The following RBFOX1 variants were observed in gnomAD, a reference collection of about 807,000 sequenced individuals.
The protein encoded by RBFOX1 is RNA binding protein fox-1 homolog 1.
In RBFOX1, 8 loss-of-function variants were observed where a neutral mutation model predicts 57.7. That is an observed-to-expected ratio of 0.14 (90% confidence interval 0.08 to 0.25). RBFOX1 has a LOEUF of 0.25. RBFOX1 is among the 10% of genes least tolerant of loss of function. RBFOX1 has a pLI of 1.00. For missense variants in RBFOX1, 611 were observed against 548.5 expected, an observed-to-expected ratio of 1.11 and a Z score of -1.14; for synonymous variants, 326 against 222.4, an observed-to-expected ratio of 1.47 and a Z score of -4.15.
intron 4 of RBFOX1, among the ~76,000 whole-genome samples, chr16:7,104,081 T>C (rs2063156317): frequency 6.6e-6 from 1 of 152,154 alleles, no homozygotes; most frequent in Admixed American, 6.6e-5. Flanking sequence ...AATCCTGCAA[T>C]CCCACAGATG....
At chr16:6,931,279 ATCTG>A (rs372259389) in intron 3 of RBFOX1, among the ~76,000 whole-genome samples, 3,771 of 140,942 alleles carry the variant, frequency 0.027, 76 homozygotes, top group Admixed American at 0.038. Context: ...AAATCTATCT[ATCTG>A]TCTGTCTGTC....
intron 1 of RBFOX1, among the ~76,000 whole-genome samples, chr16:6,102,883 G>A (rs1323204871): frequency 6.6e-6 from 1 of 152,064 alleles, no homozygotes; most frequent in African/African-American, 2.4e-5. Flanking sequence ...AGTAACTTGG[G>A]GTCATTTGGG....
At chr16:6,934,738 G>A (rs2077090047) in intron 3 of RBFOX1, among the ~76,000 whole-genome samples, 1 of 152,036 alleles carries the variant, frequency 6.6e-6, no homozygotes, top group African/African-American at 2.4e-5. Flanking sequence ...GAGGCCCTTT[G>A]CTTAGTTTGG....
intron 1 of RBFOX1, among the ~76,000 whole-genome samples, chr16:6,054,160 T>C (rs766921615): frequency 1.4e-4 from 22 of 152,320 alleles, no homozygotes; most frequent in Non-Finnish European, 2.6e-4. Context: ...GCTAAAGTTA[T>C]AGTATCTTTC....
intron 4 of RBFOX1, among the ~76,000 whole-genome samples, chr16:5,888,637 A>G (rs922838156): frequency 1.3e-5 from 2 of 152,066 alleles, no homozygotes; most frequent in Admixed American, 6.5e-5. Context: ...CTCTACTAAA[A>G]ATACAAAATC....
intron 5 of RBFOX1, among the ~76,000 whole-genome samples, chr16:7,531,985 C>G (rs2080210443): frequency 6.6e-6 from 1 of 152,102 alleles, no homozygotes. Context: ...AAGAGGAAGC[C>G]TGGATTTCCC....
At chr16:6,250,247 T>C (rs191731208) in intron 1 of RBFOX1, among the ~76,000 whole-genome samples, 4 of 152,318 alleles carry the variant, frequency 2.6e-5, no homozygotes, top group African/African-American at 9.6e-5. Flanking sequence ...TCTAGTCCTG[T>C]GTCAAACTCA....
At chr16:6,217,648 C>G (rs1232331492) in intron 1 of RBFOX1, among the ~76,000 whole-genome samples, 2 of 152,186 alleles carry the variant, frequency 1.3e-5, no homozygotes, top group African/African-American at 2.4e-5. Flanking sequence ...ACCTGCTTGT[C>G]TCTTGGGACC....
rs1172815017 is a variant in RBFOX1, at chr16:7,420,902, C to CAT, written c.28-97237_28-97236dup. 1.3e-4 allele frequency among the ~76,000 whole-genome samples: 18 copies of CAT among 142,130 alleles called. No individual in the cohort carries two copies. The South Asian group carries it at 3.8e-3, about 30-fold the overall frequency. 93.2% of individuals were successfully genotyped at this position (142,130 alleles called of 152,430 possible). On this transcript the variant is annotated intron_variant, in intron 4 of 15. Transcript: ENST00000550418. ...TTTAAAATATATATATATATACACA[C>CAT]ATATATATACATATATATATATACA...
chr16:7,632,225 A>G (rs1309580623), intron 11 of RBFOX1, among the ~76,000 whole-genome samples: 1 of 152,178 alleles, frequency 6.6e-6, no homozygotes, highest in Non-Finnish European at 1.5e-5. Context: ...ATAATCTTTA[A>G]TGGCAATTTT....
chr16:5,447,384 C>CTCTA (rs1555521598), intron 1 of RBFOX1, among the ~76,000 whole-genome samples: 1 of 149,894 alleles, frequency 6.7e-6, no homozygotes, highest in Non-Finnish European at 1.5e-5. Flanking sequence ...ATCAATCTCT[C>CTCTA]TCTCTCTCTC....
intron 1 of RBFOX1, among the ~76,000 whole-genome samples, chr16:6,122,436 G>A (rs2096557736): frequency 6.6e-6 from 1 of 151,524 alleles, no homozygotes; most frequent in African/African-American, 2.4e-5. Flanking sequence ...ATTCTTGAAT[G>A]AACAAATGCA....
chr16:6,736,485 A>G (rs1004112467), intron 3 of RBFOX1, among the ~76,000 whole-genome samples: 4 of 152,160 alleles, frequency 2.6e-5, no homozygotes, highest in African/African-American at 9.7e-5. Context: ...AATGCTGTTA[A>G]TTCATTCGTT....
At chr16:6,789,637 T>C (rs1330727536) in intron 3 of RBFOX1, among the ~76,000 whole-genome samples, 1 of 152,210 alleles carries the variant, frequency 6.6e-6, no homozygotes, top group Non-Finnish European at 1.5e-5. Flanking sequence ...CATTTTTACA[T>C]TTGTGTGCAT....
At chr16:6,237,335 G>A (rs2097512699) in intron 1 of RBFOX1, among the ~76,000 whole-genome samples, 1 of 152,320 alleles carries the variant, frequency 6.6e-6, no homozygotes, top group African/African-American at 2.4e-5. Context: ...GAGAGGCAGT[G>A]CTTGGGCAAG....
rs1045859596 is a variant in RBFOX1, at chr16:5,941,623, A to G, written c.351+74288A>G. Among the ~76,000 whole-genome samples the G allele has an allele frequency of 2.0e-5, 3 of 152,194 alleles. No homozygotes were observed. The East Asian group carries it at 5.8e-4, about 29-fold the overall frequency. ...ATACCTGGCACATAATATGTGCTCA[A>G]TTAAAATGTGCCAAATAATTGGAGC... On this transcript the variant is annotated intron_variant, in intron 4 of 19. Transcript: ENST00000641259.
chr16:7,024,003 A>G (rs13337583), intron 3 of RBFOX1, among the ~76,000 whole-genome samples: 11 of 152,252 alleles, frequency 7.2e-5, no homozygotes, highest in African/African-American at 2.4e-4. Context: ...TTAGGTTTCT[A>G]TATCCTCCTG....
intron 2 of RBFOX1, among the ~76,000 whole-genome samples, chr16:5,472,876 G>A (rs1014648465): frequency 6.6e-6 from 1 of 152,218 alleles, no homozygotes. Context: ...CTGACTTCCA[G>A]AGGAACTCAG....
chr16:5,690,851 A>G (rs74727040), intron 3 of RBFOX1, among the ~76,000 whole-genome samples: 2 of 152,136 alleles, frequency 1.3e-5, no homozygotes, highest in Admixed American at 6.5e-5. Flanking sequence ...TTGTTTTTAC[A>G]TGCCCAGTTT....
Sources: allele counts gnomAD v4.1 joint callset (sites outside exome capture counted in the v4.1 genomes callset), GRCh38; gene constraint gnomAD v4.1.1; transcripts MANE v1.5; gene names NCBI Gene and HGNC (gene_info 2026-07-23, HGNC 2026-07-21).